PPL: variants seen among roughly 807,000 people sequenced by gnomAD.
The protein encoded by PPL is 190 kDa paraneoplastic pemphigus antigen.
In PPL, 198 loss-of-function variants were observed where a neutral mutation model predicts 194.4. The ratio of observed to expected loss-of-function variants is 1.02; its 90% confidence interval spans 0.91 to 1.15. The LOEUF (loss-of-function observed/expected upper bound fraction) is 1.15. Among genes scored for constraint, PPL ranks in the 50% most tolerant of loss-of-function variants. The probability of loss-of-function intolerance (pLI) is 0.00; values close to 1 mark genes in which losing one functional copy is unlikely to be tolerated. For missense variants in PPL, 2,885 were observed against 2,294.8 expected (o/e 1.26, Z -5.25); for synonymous variants, 1,220 against 972.4 (o/e 1.25, Z -4.74).
At chr16:4,906,095 G>A (rs375869412) in intron 2 of PPL, among the ~76,000 whole-genome samples, 13 of 152,182 alleles carry the variant, frequency 8.5e-5, no homozygotes, top group South Asian at 2.1e-4. Flanking sequence ...GCGACAGAGC[G>A]AGACCCTACC....
Position 4,904,019 on chromosome 16 carries a change from C to T in PPL, c.184G>A (p.Gly62Ser). 1.9e-6 allele frequency: 3 copies of T among 1,612,402 alleles called. No homozygotes were observed. Among genetic ancestry groups the T allele is most frequent in the Middle Eastern group, 3.3e-4 (2 of 6,060 alleles). Residue 62 changes from glycine to serine, a missense_variant, in exon 3 of 22, where the codon GGT becomes AGT. By Grantham distance (56) the Gly-to-Ser change is moderately conservative. Transcript: ENST00000345988. ...ACGTCCCGGTGCTCAGGCTGCCGAC[C>T]CTCCTGCAGCCGAGCCAGGTCCTGT... is the stretch of plus-strand genomic sequence containing the variant. ...MQSDLARLQEGRQPEHRDVTL... is the reference protein window; with the variant it reads ...MQSDLARLQESRQPEHRDVTL...
At chr16:4,915,916 T>C (rs2088907511) in intron 1 of PPL, among the ~76,000 whole-genome samples, 1 of 152,048 alleles carries the variant, frequency 6.6e-6, no homozygotes, top group East Asian at 1.9e-4. Context: ...CCTTAACAAT[T>C]CCATGTGACG....
intron 1 of PPL, among the ~76,000 whole-genome samples, chr16:4,932,033 G>A (rs2089231608): frequency 6.6e-6 from 1 of 152,216 alleles, no homozygotes; most frequent in South Asian, 2.1e-4. Flanking sequence ...CATTTGGCCT[G>A]GAGCAGTCCC....
At position 4,883,566 on chromosome 16, in the gene PPL, C is replaced by T; in HGVS notation, c.5089G>A (p.Glu1697Lys). 2.5e-6 allele frequency: 4 copies of T among 1,614,182 alleles called. No individual in the cohort carries two copies. The highest frequency in any genetic ancestry group is 2.5e-6 in the Non-Finnish European group (3 of 1,180,016). ...KLRSQECDWEEISVKGPNGES... is the reference protein window; with the variant it reads ...KLRSQECDWEKISVKGPNGES... ...CCATTGGGACCCTTCACTGAGATCT[C>T]CTCCCAGTCGCACTCCTGGCTTCTG... The change falls in exon 22 of 22, where the codon GAG becomes AAG. Residue 1697 changes from glutamate to lysine, a missense_variant. Transcript: ENST00000345988. The surrounding 1 kb of genome is among the most constrained non-coding windows in gnomAD (Gnocchi z 4.8).
chr16:4,895,444 A>G, intron 10 of PPL, 37 bp from the exon 11 acceptor site: 4 of 1,608,366 alleles, frequency 2.5e-6, no homozygotes, highest in Non-Finnish European at 3.4e-6. Context: ...GGTGAGACCA[A>G]CAGCCTTCCC....
chr16:4,885,090 CCACTT>C lies in PPL; in HGVS notation c.3560_3564del (p.Glu1187GlyfsTer27). 1 of 1,613,794 alleles carries C rather than the reference CCACTT, an allele frequency of 6.2e-7. No homozygotes were observed. Among genetic ancestry groups the C allele is most frequent in the Non-Finnish European group, 8.5e-7 (1 of 1,180,038 alleles). On this transcript the variant is annotated frameshift_variant, in exon 22 of 22. Coordinates refer to ENST00000345988, the MANE Select transcript of PPL (RefSeq NM_002705.5). LOFTEE classifies it high-confidence loss of function. This position sits in a 1 kb window ranked among gnomAD's most constrained non-coding sequence, Gnocchi z 6.3. The stretch of plus-strand genomic sequence containing the variant: ...TCCACAAGCTCCAGGCGGAGGTTCG[CCACTT>C]CACTTTCCGCCTTGGGGTCTGGCCG...
intron 20 of PPL, 82 bp from the exon 21 acceptor site, chr16:4,887,309 G>T (rs1279835942): frequency 1.9e-6 from 2 of 1,058,898 alleles, no homozygotes; most frequent in Non-Finnish European, 1.5e-6. Flanking sequence ...GCGTGGACGT[G>T]GTTCTTGAGA....
chr16:4,898,961 G>A (rs965591061), intron 8 of PPL, 52 bp downstream of exon 8: 69 of 1,518,464 alleles, frequency 4.5e-5, no homozygotes, highest in South Asian at 1.2e-4. Context: ...CACAGGCAGC[G>A]GCCAACCAGA....
At chr16:4,894,004 C>T (rs1410347172) in intron 12 of PPL, among the ~76,000 whole-genome samples, 1 of 152,152 alleles carries the variant, frequency 6.6e-6, no homozygotes, top group Non-Finnish European at 1.5e-5. Context: ...TACTTTGTAC[C>T]AGGTACTTAA....
chr16:4,907,015 C>T (rs913663258), intron 2 of PPL, among the ~76,000 whole-genome samples: 7 of 134,422 alleles, frequency 5.2e-5, no homozygotes, highest in South Asian at 2.5e-4. Flanking sequence ...GAGGCCCAGG[C>T]GGGAGGATTG....
intron 4 of PPL, 100 bp from the exon 5 acceptor site, chr16:4,901,189 C>T: frequency 1.5e-6 from 2 of 1,345,328 alleles, no homozygotes; most frequent in Non-Finnish European, 2.0e-6. Context: ...ATGGTGCTCT[C>T]TTTTTCACGG....
chr16:4,899,817 A>G (rs1490455824), intron 6 of PPL, among the ~76,000 whole-genome samples: 1 of 152,154 alleles, frequency 6.6e-6, no homozygotes, highest in Non-Finnish European at 1.5e-5. Context: ...TATAGCTTCT[A>G]CTTTTATCTG....
At chr16:4,891,738 A>G in intron 16 of PPL, 73 bp downstream of exon 16, 1 of 1,518,626 alleles carries the variant, frequency 6.6e-7, no homozygotes, top group South Asian at 1.3e-5. Context: ...ATCTATCCAG[A>G]CGGGCGGGTG....
intron 6 of PPL, 91 bp from the exon 7 acceptor site, chr16:4,899,475 C>CTGGCCAGAGGACAAGCCCAGCTATGGG: frequency 1.4e-6 from 1 of 709,074 alleles, no homozygotes; most frequent in Non-Finnish European, 2.3e-6. Context: ...CCAGCTATGG[C>CTGGCCAGAGGACAAGCCCAGCTATGGG]TGGCCTGAGG....
chr16:4,896,192 G>A (rs1039996915), intron 9 of PPL, among the ~76,000 whole-genome samples: 1 of 152,186 alleles, frequency 6.6e-6, no homozygotes, highest in African/African-American at 2.4e-5. Flanking sequence ...GCCATAAACA[G>A]GACCTGAAGC....
At chr16:4,936,752 C>T (rs536942457) in intron 1 of PPL, among the ~76,000 whole-genome samples, 2 of 152,192 alleles carry the variant, frequency 1.3e-5, no homozygotes, top group South Asian at 4.1e-4. Context: ...CCGGAGTCCC[C>T]TGTGTTATGC....
chr16:4,891,922 C>A lies in PPL; in HGVS notation c.1857G>T (p.Lys619Asn). 1 of 1,613,490 alleles carries A rather than the reference C, an allele frequency of 6.2e-7. No homozygotes were observed. The highest frequency in any genetic ancestry group is 8.5e-7 in the Non-Finnish European group (1 of 1,179,988). ...GCAACTCCCAGCTCTGCTGCAGGCT[C>A]TTCTCCAGGCGGTTGGCCACATCAA... is the stretch of plus-strand genomic sequence containing the variant. ...EKVDVANRLE[K>N]SLQQSWELLA... The change falls in exon 16 of 22, where the codon AAG becomes AAT. Residue 619 changes from lysine to asparagine, a missense_variant. Coordinates refer to ENST00000345988, the MANE Select transcript of PPL (RefSeq NM_002705.5).
chr16:4,889,241 G>GGGTTTTTT (rs1442783436), intron 18 of PPL, among the ~76,000 whole-genome samples, 180 bp from the exon 19 acceptor site: 1 of 66,636 alleles, frequency 1.5e-5, no homozygotes, highest in Non-Finnish European at 2.5e-5. Flanking sequence ...TGTTGTTGTT[G>GGGTTTTTT]TTTTTTTTTT....
intron 21 of PPL, among the ~76,000 whole-genome samples, chr16:4,886,606 T>C (rs1056603606): frequency 6.6e-6 from 1 of 152,202 alleles, no homozygotes; most frequent in Non-Finnish European, 1.5e-5. Context: ...GAAAATAACA[T>C]TCACTTTCTT....
Sources: allele counts gnomAD v4.1 joint callset (sites outside exome capture counted in the v4.1 genomes callset), GRCh38; gene constraint gnomAD v4.1.1; non-coding constraint Gnocchi (gnomAD v3.1); transcripts MANE v1.5; gene names NCBI Gene and HGNC (gene_info 2026-07-23, HGNC 2026-07-21).